The following PPP1R9A variants were observed in gnomAD, a reference collection of about 807,000 sequenced individuals.
PPP1R9A encodes the protein neurabin-1.
A neutral mutation model predicts 141.9 loss-of-function variants in PPP1R9A; 59 were observed. The ratio of observed to expected loss-of-function variants is 0.42; its 90% CI spans 0.34 to 0.52. PPP1R9A has a LOEUF of 0.52. Among genes scored for constraint, PPP1R9A ranks in the 20% least tolerant of loss-of-function variants. The pLI is 0.10. For synonymous variants in PPP1R9A, 500 were observed against 569.7 expected (o/e 0.88, Z 1.74); for missense variants, 1,444 against 1,611.9 (o/e 0.90, Z 1.78).
chr7:95,104,445 T>A (rs1819232892), intron 2 of PPP1R9A, among the ~76,000 whole-genome samples: 2 of 152,172 alleles, frequency 1.3e-5, no homozygotes, highest in Admixed American at 1.3e-4. Flanking sequence ...TTAAGCAATG[T>A]TTTTACATGA....
At chr7:95,102,273 G>A (rs1818891801) in intron 2 of PPP1R9A, among the ~76,000 whole-genome samples, 1 of 152,124 alleles carries the variant, frequency 6.6e-6, no homozygotes. Context: ...TATTTATGTG[G>A]CAATATTAAA....
At chr7:95,029,969 G>A (rs1807428968) in intron 2 of PPP1R9A, among the ~76,000 whole-genome samples, 1 of 152,196 alleles carries the variant, frequency 6.6e-6, no homozygotes, top group South Asian at 2.1e-4. Flanking sequence ...GCAGGTACTA[G>A]GGCTCTCGCC....
chr7:95,201,779 T>C (rs73431067), intron 6 of PPP1R9A, among the ~76,000 whole-genome samples: 1,746 of 152,324 alleles, frequency 0.011, 28 homozygotes, highest in African/African-American at 0.04. Context: ...TTATGATTTA[T>C]AGAATCATCT....
intron 2 of PPP1R9A, among the ~76,000 whole-genome samples, chr7:94,960,179 T>TC (rs1797473785): frequency 6.6e-6 from 1 of 151,210 alleles, no homozygotes; most frequent in East Asian, 1.9e-4. Flanking sequence ...CTTTTTTTTT[T>TC]TTTTTCTTCA....
At chr7:95,105,763 A>G (rs1365624026) in intron 2 of PPP1R9A, among the ~76,000 whole-genome samples, 2 of 152,246 alleles carry the variant, frequency 1.3e-5, no homozygotes, top group African/African-American at 4.8e-5. Context: ...AATCAAGATC[A>G]TGTAGATGAA....
At chr7:94,950,258 TG>T (rs1796328398) in intron 2 of PPP1R9A, among the ~76,000 whole-genome samples, 1 of 152,190 alleles carries the variant, frequency 6.6e-6, no homozygotes. Context: ...ATTGCTTAGC[TG>T]GGAATAGTTG....
At chr7:95,185,482 TG>T (rs2152811166) in intron 5 of PPP1R9A, among the ~76,000 whole-genome samples, 1 of 152,326 alleles carries the variant, frequency 6.6e-6, no homozygotes, top group African/African-American at 2.4e-5. Context: ...TGGGGTTTTC[TG>T]TTTACTCTGC....
In PPP1R9A at chr7:95,268,665, T is replaced by C. The variant is rs1361264900; in HGVS notation, c.2781T>C (p.Asp927=). 7 of 1,613,364 alleles carry C rather than the reference T, an allele frequency of 4.3e-6. No individual in the cohort carries two copies. Among genetic ancestry groups the C allele is most frequent in the Non-Finnish European group, 5.9e-6 (7 of 1,179,448 alleles). Residue 927 remains aspartate, a synonymous_variant, in exon 13 of 20, where the codon GAT becomes GAC. Coordinates refer to ENST00000433360, the MANE Select transcript of PPP1R9A (RefSeq NM_001166160.2). The part of the protein sequence containing the change: ...RQRPSRTRLY[D]SVSSTDGEDS... The stretch of plus-strand genomic sequence containing the variant: ...GACCCTCTAGGACAAGACTGTATGA[T>C]AGTGTTAGTTCCACAGATGGGGAGG...
At chr7:95,161,609 A>C (rs1830473806) in intron 4 of PPP1R9A, among the ~76,000 whole-genome samples, 1 of 152,046 alleles carries the variant, frequency 6.6e-6, no homozygotes, top group Non-Finnish European at 1.5e-5. Flanking sequence ...TGTGTAGTTA[A>C]GTTTTTTACT....
intron 2 of PPP1R9A, among the ~76,000 whole-genome samples, chr7:95,025,107 A>T (rs2151761094): frequency 6.6e-6 from 1 of 151,574 alleles, no homozygotes; most frequent in Admixed American, 6.6e-5. Flanking sequence ...TCTCGCTGTC[A>T]CCTGGCTTGA....
intron 2 of PPP1R9A, among the ~76,000 whole-genome samples, chr7:94,965,620 AG>A (rs1798118458): frequency 6.6e-6 from 1 of 152,184 alleles, no homozygotes; most frequent in African/African-American, 2.4e-5. Context: ...GTCAAGGATC[AG>A]ATGGTTGTAT....
chr7:94,999,271 G>A (rs2151499160), intron 2 of PPP1R9A, among the ~76,000 whole-genome samples: 1 of 152,286 alleles, frequency 6.6e-6, no homozygotes, highest in South Asian at 2.1e-4. Flanking sequence ...TTTATGGGCA[G>A]TCTGCAGTCT....
At chr7:94,935,346 A>C (rs1482245564) in intron 2 of PPP1R9A, among the ~76,000 whole-genome samples, 1 of 152,312 alleles carries the variant, frequency 6.6e-6, no homozygotes, top group East Asian at 1.9e-4. Flanking sequence ...TGATGACAAC[A>C]TGTGGCCTAT....
chr7:95,288,568 T>G lies in PPP1R9A; in HGVS notation c.3762T>G (p.Ser1254Arg), dbSNP rs961750616. The change falls in exon 19 of 20, where the codon AGT becomes AGG. Residue 1254 changes from serine (S) to arginine (R), a missense_variant. Ser to Arg is a moderately radical substitution (Grantham distance 110). Transcript: ENST00000433360. ...ILDDGQSPKH[S>R]QCQNRAVQEW... ...ATGATGGACAGTCTCCCAAACACAG[T>G]CAGTGTCAGAATCGGGCCGTTCAGG... The G allele has an allele frequency of 1.2e-6, 2 of 1,613,968 alleles. No homozygotes were observed. The highest frequency in any genetic ancestry group is 1.7e-6 in the Non-Finnish European group (2 of 1,179,970).
intron 2 of PPP1R9A, among the ~76,000 whole-genome samples, chr7:95,008,558 A>G (rs560732349): frequency 2.0e-5 from 3 of 152,286 alleles, no homozygotes; most frequent in East Asian, 1.9e-4. Context: ...TTTGTTGGAC[A>G]TTCTTTCAGG....
intron 6 of PPP1R9A, among the ~76,000 whole-genome samples, chr7:95,203,056 C>T (rs1014091504): frequency 2.6e-5 from 4 of 152,100 alleles, no homozygotes; most frequent in Admixed American, 6.5e-5. Context: ...ACTCCAGAAA[C>T]TGAAGCCCCT....
intron 2 of PPP1R9A, among the ~76,000 whole-genome samples, chr7:95,002,052 C>G (rs1326681596): frequency 6.6e-6 from 1 of 152,138 alleles, no homozygotes; most frequent in Non-Finnish European, 1.5e-5. Context: ...GTGGCGTCAT[C>G]TATGGTAAAC....
chr7:94,986,445 G>A (rs1223691071), intron 2 of PPP1R9A, among the ~76,000 whole-genome samples: 4 of 152,114 alleles, frequency 2.6e-5, no homozygotes, highest in African/African-American at 4.8e-5. Flanking sequence ...AAACATGAGC[G>A]GATAGAGGTA....
chr7:95,265,416 G>A (rs1801139197), intron 12 of PPP1R9A, among the ~76,000 whole-genome samples: 1 of 152,140 alleles, frequency 6.6e-6, no homozygotes, highest in Non-Finnish European at 1.5e-5. Flanking sequence ...AATAAGCTGG[G>A]ACCAGAATCC....
Sources: gnomAD v4.1 joint callset for allele counts (sites outside exome capture counted in the v4.1 genomes callset) on GRCh38, gnomAD v4.1.1 for gene constraint, MANE v1.5 for transcripts, NCBI Gene and HGNC (gene_info 2026-07-23, HGNC 2026-07-21) for gene names.